NLGN1: variants seen among roughly 807,000 people sequenced by gnomAD.
The protein encoded by NLGN1 is neuroligin 1, also known as neuroligin-1.
NLGN1 carries 12 observed loss-of-function variants against 65.5 expected under a neutral mutation model. That is an observed-to-expected ratio of 0.18 (90% confidence interval 0.12 to 0.30). The LOEUF is 0.30. Among genes scored for constraint, NLGN1 ranks in the 10% least tolerant of loss-of-function variants. The pLI is 1.00. For synonymous variants in NLGN1, 350 were observed against 359.5 expected, an observed-to-expected ratio of 0.97 and a Z score of 0.30; for missense variants, 750 against 1,007.1, an observed-to-expected ratio of 0.74 and a Z score of 3.46.
chr3:173,491,093 T>C (rs142170137), intron 2 of NLGN1, among the ~76,000 whole-genome samples: 4,198 of 151,858 alleles, frequency 0.028, 297 homozygotes, highest in African/African-American at 0.093. Flanking sequence ...TATTTCTTTC[T>C]CCTGCCTGAT....
intron 3 of NLGN1, among the ~76,000 whole-genome samples, chr3:173,671,492 C>T (rs1285692280): frequency 6.6e-6 from 1 of 152,132 alleles, no homozygotes. Context: ...AGAATTGAAT[C>T]ATTTTACCTT....
At chr3:174,119,507 C>G (rs1292475485) in intron 4 of NLGN1, among the ~76,000 whole-genome samples, 1 of 152,136 alleles carries the variant, frequency 6.6e-6, no homozygotes, top group Non-Finnish European at 1.5e-5. Flanking sequence ...TTTCATTTCA[C>G]ATGGATATAG....
At chr3:173,611,414 A>G (rs2149471532) in intron 3 of NLGN1, among the ~76,000 whole-genome samples, 1 of 152,214 alleles carries the variant, frequency 6.6e-6, no homozygotes, top group East Asian at 1.9e-4. Context: ...CAACAAAAAC[A>G]GCACAAAGCA....
intron 3 of NLGN1, among the ~76,000 whole-genome samples, chr3:173,700,999 C>T (rs1767076018): frequency 6.6e-6 from 1 of 152,092 alleles, no homozygotes; most frequent in African/African-American, 2.4e-5. Context: ...GTGGCGGGCG[C>T]CTGTAGTCCC....
chr3:173,473,901 C>T (rs1291702282), intron 2 of NLGN1, among the ~76,000 whole-genome samples: 1 of 152,134 alleles, frequency 6.6e-6, no homozygotes, highest in Non-Finnish European at 1.5e-5. Flanking sequence ...TTTCCTACCT[C>T]TGAAAATTAA....
intron 2 of NLGN1, among the ~76,000 whole-genome samples, chr3:173,545,019 T>C (rs1739532622): frequency 3.3e-5 from 5 of 152,142 alleles, no homozygotes. Flanking sequence ...AAGGAGGTCA[T>C]TGATAACTCT....
At chr3:173,424,711 C>A (rs1715777585) in intron 1 of NLGN1, among the ~76,000 whole-genome samples, 1 of 152,146 alleles carries the variant, frequency 6.6e-6, no homozygotes, top group South Asian at 2.1e-4. Flanking sequence ...CTTCTGAGAC[C>A]ACCTCAGCCT....
At chr3:173,614,099 T>TA (rs1752701408) in intron 3 of NLGN1, among the ~76,000 whole-genome samples, 1 of 151,992 alleles carries the variant, frequency 6.6e-6, no homozygotes, top group East Asian at 1.9e-4. Context: ...CTTTTCATCT[T>TA]ACAAAAGTGC....
intron 4 of NLGN1, among the ~76,000 whole-genome samples, chr3:174,234,886 T>C (rs1038319462): frequency 3.3e-5 from 5 of 150,578 alleles, no homozygotes; most frequent in Non-Finnish European, 7.4e-5. Context: ...AAGAAAATCC[T>C]CTTTTTCCAA....
intron 2 of NLGN1, among the ~76,000 whole-genome samples, chr3:173,515,611 A>G (rs1177112877): frequency 1.3e-5 from 2 of 152,082 alleles, no homozygotes; most frequent in African/African-American, 4.8e-5. Flanking sequence ...ATAGTTTCAT[A>G]GTTTCAGATC....
chr3:173,552,722 C>T (rs1741079005), intron 2 of NLGN1, among the ~76,000 whole-genome samples: 1 of 152,116 alleles, frequency 6.6e-6, no homozygotes, highest in Admixed American at 6.5e-5. Flanking sequence ...CATGAACTTC[C>T]TGAGTCTCTA....
chr3:174,288,385 A>C (rs532610412), downstream of NLGN1, among the ~76,000 whole-genome samples: 2 of 151,606 alleles, frequency 1.3e-5, no homozygotes, highest in East Asian at 3.9e-4. Context: ...CCACAACCTC[A>C]ACATGTAATT....
chr3:174,152,484 C>T (rs1030168070), intron 4 of NLGN1, among the ~76,000 whole-genome samples: 3 of 151,734 alleles, frequency 2.0e-5, no homozygotes, highest in African/African-American at 7.3e-5. Context: ...CATCACACAC[C>T]AGGGCGTGTT....
At chr3:173,952,050 T>C (rs1748320137) in intron 4 of NLGN1, among the ~76,000 whole-genome samples, 1 of 152,222 alleles carries the variant, frequency 6.6e-6, no homozygotes, top group South Asian at 2.1e-4. Context: ...TTATTTCCCT[T>C]TCTTTTCATA....
At position 173,702,155 on chromosome 3, in the gene NLGN1, C is replaced by T. The variant is rs375870457; in HGVS notation, c.493+97064C>T. 5.2e-3 allele frequency among the ~76,000 whole-genome samples: 764 copies of T among 147,082 alleles called. 8 individuals are homozygous for T. Among genetic ancestry groups the T allele is most frequent in the African/African-American group, 0.018 (714 of 40,244 alleles). On this transcript the variant is annotated intron_variant, in intron 3 of 6. Transcript: ENST00000457714. ...TCGGGAGGCTGAGGCAGGAGAATGG[C>T]GTGAACCCGGGAGGCGGAGCTTGCA...
intron 4 of NLGN1, among the ~76,000 whole-genome samples, chr3:174,005,296 A>G (rs1221065953): frequency 1.3e-5 from 2 of 152,114 alleles, no homozygotes; most frequent in Non-Finnish European, 2.9e-5. Flanking sequence ...TCCATTCCTT[A>G]TAAAGTTGCT....
intron 2 of NLGN1, among the ~76,000 whole-genome samples, chr3:173,497,402 A>T (rs1730212962): frequency 6.6e-6 from 1 of 151,100 alleles, no homozygotes; most frequent in Non-Finnish European, 1.5e-5. Context: ...ATAAATAAAT[A>T]AATAAATAAA....
At chr3:173,762,354 G>C (rs569348256) in intron 3 of NLGN1, among the ~76,000 whole-genome samples, 1 of 151,972 alleles carries the variant, frequency 6.6e-6, no homozygotes, top group South Asian at 2.1e-4. Context: ...GCTAAACTTG[G>C]GATCTGCTAT....
intron 2 of NLGN1, among the ~76,000 whole-genome samples, chr3:173,520,699 TA>T (rs1191808924): frequency 1.3e-5 from 2 of 152,186 alleles, no homozygotes; most frequent in Non-Finnish European, 2.9e-5. Flanking sequence ...GCTTGGAGAC[TA>T]AAAACTTAGT....
Sources: allele counts gnomAD v4.1 joint callset (sites outside exome capture counted in the v4.1 genomes callset), GRCh38; gene constraint gnomAD v4.1.1; transcripts MANE v1.5; gene names NCBI Gene and HGNC (gene_info 2026-07-23, HGNC 2026-07-21).